Variants in SLC2A13 observed in about 807,000 individuals in gnomAD.
SLC2A13 encodes the protein solute carrier family 2 member 13.
SLC2A13 carries 32 observed loss-of-function variants against 64.4 expected under a neutral mutation model. That is an observed-to-expected ratio of 0.50 (90% CI 0.37 to 0.67). The LOEUF (loss-of-function observed/expected upper bound fraction) is 0.67. Among genes scored for constraint, SLC2A13 ranks in the 30% least tolerant of loss-of-function variants. The pLI is 0.00. For missense variants in SLC2A13, 743 were observed against 829.2 expected, an observed-to-expected ratio of 0.90 and a Z score of 1.28; for synonymous variants, 338 against 327.1, an observed-to-expected ratio of 1.03 and a Z score of -0.36.
intron 2 of SLC2A13, among the ~76,000 whole-genome samples, chr12:40,039,679 A>G (rs2136228427): frequency 6.6e-6 from 1 of 152,314 alleles, no homozygotes; most frequent in East Asian, 1.9e-4. Flanking sequence ...CTCTTTTGCT[A>G]TTATCAAAAA....
intron 1 of SLC2A13, among the ~76,000 whole-genome samples, chr12:40,070,202 A>G (rs2136267916): frequency 6.6e-6 from 1 of 152,034 alleles, no homozygotes. Flanking sequence ...TCTGGCAGAG[A>G]CAGGGTAAAG....
intron 3 of SLC2A13, among the ~76,000 whole-genome samples, chr12:39,962,199 T>C (rs1414642203): frequency 6.6e-6 from 1 of 152,182 alleles, no homozygotes; most frequent in Admixed American, 6.5e-5. Context: ...CAAGTGATTC[T>C]CTTGCCTCAG....
At chr12:39,989,853 G>A (rs1424952093) in intron 3 of SLC2A13, among the ~76,000 whole-genome samples, 2 of 152,170 alleles carry the variant, frequency 1.3e-5, no homozygotes, top group African/African-American at 4.8e-5. Flanking sequence ...TGCCACTGCT[G>A]TCAGGAAATT....
Position 39,759,881 on chromosome 12 carries a change from C to T in SLC2A13, c.*145G>A. The T allele has an allele frequency of 6.6e-6, 4 of 603,438 alleles. No homozygotes were observed. Among genetic ancestry groups the T allele is most frequent in the South Asian group, 2.2e-5 (1 of 44,962 alleles). The allele number at this position is 603,438 out of a possible 1,614,324, so 37.4% of individuals were successfully genotyped here. On this transcript the variant is annotated 3_prime_UTR_variant, in exon 10 of 10. Coordinates refer to ENST00000280871, the MANE Select transcript of SLC2A13 (RefSeq NM_052885.4). The stretch of plus-strand genomic sequence containing the variant: ...AAAAAGTCATCATGGTTGTATCTTC[C>T]TCCTAATCAAGTATTCTAGAATATG...
At chr12:39,956,851 T>C (rs1402338271) in intron 3 of SLC2A13, among the ~76,000 whole-genome samples, 2 of 152,152 alleles carry the variant, frequency 1.3e-5, no homozygotes, top group African/African-American at 4.8e-5. Flanking sequence ...ATGCAAACTG[T>C]AGGAGGCTTC....
At chr12:39,770,622 T>C (rs1210824673) in intron 7 of SLC2A13, among the ~76,000 whole-genome samples, 2 of 152,142 alleles carry the variant, frequency 1.3e-5, no homozygotes, top group Non-Finnish European at 2.9e-5. Flanking sequence ...AATATTCCCA[T>C]CTGGATAAGC....
intron 3 of SLC2A13, among the ~76,000 whole-genome samples, chr12:40,012,433 C>T (rs1004705995): frequency 2.6e-5 from 4 of 152,176 alleles, no homozygotes; most frequent in African/African-American, 7.2e-5. Flanking sequence ...ATTTGGCAAG[C>T]GTCTTCACTC....
chr12:40,104,205 C>G (rs1939229605), intron 1 of SLC2A13, among the ~76,000 whole-genome samples: 1 of 152,144 alleles, frequency 6.6e-6, no homozygotes, highest in Admixed American at 6.5e-5. Context: ...AAACAAAAAA[C>G]TGAATTATGA....
In SLC2A13 at chr12:40,105,263, T is replaced by C. The variant is rs1592087303; in HGVS notation, c.546A>G (p.Gly182=). 2 of 1,593,484 alleles carry C rather than the reference T, an allele frequency of 1.3e-6. No homozygotes were observed. Among genetic ancestry groups the C allele is most frequent in the East Asian group, 2.3e-5 (1 of 43,800 alleles). ...ETLLAGRLVV[G]LGIGIASMTV... is the part of the protein sequence containing the mutation. ...GGAGCCCGAACTCACCGATGCCGAG[T>C]CCCACGACCAGGCGGCCGGCGAGCA... Residue 182 remains glycine, a synonymous_variant, in exon 1 of 10, where the codon GGA becomes GGG. Transcript: ENST00000280871. The surrounding 1 kb of genome is among the most constrained non-coding windows in gnomAD (Gnocchi z 4.2).
intron 2 of SLC2A13, among the ~76,000 whole-genome samples, chr12:40,038,502 G>A (rs1948026280): frequency 6.6e-6 from 1 of 152,024 alleles, no homozygotes; most frequent in Non-Finnish European, 1.5e-5. Context: ...GCCCAAAGTG[G>A]GTGGATCACT....
chr12:39,864,890 A>T lies in SLC2A13; in HGVS notation c.1199-8T>A. 6.2e-7 allele frequency: 1 copy of T among 1,604,940 alleles called. No homozygotes were observed. The highest frequency in any genetic ancestry group is 8.5e-7 in the Non-Finnish European group (1 of 1,177,480). ...TGAGTGCTACGGTGGTACCTTAAAA[A>T]AAAAAAGTTTTATATTAGAGAAGAG... On this transcript the variant is annotated splice_region_variant and splice_polypyrimidine_tract_variant and intron_variant, in intron 5 of 9. Transcript: ENST00000280871.
intron 3 of SLC2A13, among the ~76,000 whole-genome samples, chr12:39,953,790 A>C (rs1946272705): frequency 6.6e-6 from 1 of 152,172 alleles, no homozygotes; most frequent in African/African-American, 2.4e-5. Flanking sequence ...AAATGAGCTC[A>C]TCCCTCTTCC....
intron 3 of SLC2A13, among the ~76,000 whole-genome samples, chr12:39,970,146 TC>T (rs1418739574): frequency 1.2e-4 from 18 of 152,222 alleles, no homozygotes; most frequent in African/African-American, 4.1e-4. Flanking sequence ...ACTGTTCTGT[TC>T]CGTTGATCTA....
chr12:40,073,284 T>C (rs558028637), intron 1 of SLC2A13, among the ~76,000 whole-genome samples: 3 of 152,120 alleles, frequency 2.0e-5, no homozygotes, highest in African/African-American at 7.2e-5. Flanking sequence ...TGAGGATATA[T>C]GTATGTAACA....
intron 6 of SLC2A13, among the ~76,000 whole-genome samples, chr12:39,841,104 C>T (rs1415223304): frequency 4.6e-5 from 7 of 152,076 alleles, no homozygotes; most frequent in Admixed American, 2.0e-4. Flanking sequence ...TCCCCTTACA[C>T]GTTGAGGCTA....
chr12:40,091,273 G>A (rs968416064), intron 1 of SLC2A13, among the ~76,000 whole-genome samples: 4 of 152,140 alleles, frequency 2.6e-5, no homozygotes, highest in Non-Finnish European at 4.4e-5. Context: ...TGTAAAATAA[G>A]ATCCTTGAAT....
intron 6 of SLC2A13, among the ~76,000 whole-genome samples, chr12:39,855,826 C>A (rs1644361906): frequency 6.6e-6 from 1 of 152,128 alleles, no homozygotes; most frequent in South Asian, 2.1e-4. Context: ...CTGGATGTTA[C>A]AGTTGAAGAG....
intron 7 of SLC2A13, among the ~76,000 whole-genome samples, chr12:39,813,225 CTGTT>C (rs1303493133): frequency 1.3e-5 from 2 of 151,796 alleles, no homozygotes; most frequent in Non-Finnish European, 2.9e-5. Context: ...TTTATCTATT[CTGTT>C]TGTTTCTTAG....
chr12:39,955,196 A>G (rs1430692906), intron 3 of SLC2A13, among the ~76,000 whole-genome samples: 1 of 152,230 alleles, frequency 6.6e-6, no homozygotes, highest in Admixed American at 6.5e-5. Context: ...AAATTAACAT[A>G]GAAATCAGTA....
Sources: allele counts gnomAD v4.1 joint callset (sites outside exome capture counted in the v4.1 genomes callset), GRCh38; gene constraint gnomAD v4.1.1; non-coding constraint Gnocchi (gnomAD v3.1); transcripts MANE v1.5; gene names NCBI Gene and HGNC (gene_info 2026-07-23, HGNC 2026-07-21).